The following MUC5AC variants were observed in gnomAD, a reference collection of about 807,000 sequenced individuals.
MUC5AC encodes the protein mucin-5AC.
A neutral mutation model predicts 169.7 loss-of-function variants in MUC5AC; 158 were observed. The ratio of observed to expected loss-of-function variants is 0.93; its 90% confidence interval spans 0.82 to 1.06. MUC5AC has a LOEUF of 1.06. Ranked by LOEUF, MUC5AC falls within the 50% of genes least tolerant of loss-of-function variation. The pLI is 0.00. For synonymous variants in MUC5AC, 1,975 were observed against 1,237.0 expected (o/e 1.60, Z -12.52); for missense variants, 4,359 against 3,089.9 (o/e 1.41, Z -9.74).
chr11:1,182,189 A>C lies in MUC5AC; in HGVS notation c.4044A>C (p.Pro1348=). The part of the protein sequence containing the change: ...VSSTHTPSNG[P]SSAHTGPPSS... The stretch of plus-strand genomic sequence containing the variant: ...CCACGCACACCCCCAGCAATGGCCC[A>C]AGCAGCGCGCACACAGGCCCTCCGA... Residue 1348 remains proline, a synonymous_variant, in exon 31 of 49, where the codon CCA becomes CCC. Coordinates refer to ENST00000621226, the MANE Select transcript of MUC5AC (RefSeq NM_001304359.2). The C allele has an allele frequency of 2.5e-6, 1 of 398,652 alleles. No homozygotes were observed. Among genetic ancestry groups the C allele is most frequent in the Non-Finnish European group, 4.4e-6 (1 of 226,134 alleles). The allele number at this position is 398,652 out of a possible 1,614,324, so 24.7% of individuals were successfully genotyped here. A position where few individuals can be genotyped will look rare whatever the true frequency, so the allele number is the denominator to read the frequency against.
Position 1,187,173 on chromosome 11 carries a change from A to G in MUC5AC, c.9028A>G (p.Thr3010Ala), listed in dbSNP as rs1212559941. The G allele has an allele frequency of 4.8e-5, 34 of 705,430 alleles. No individual in the cohort carries two copies. In the African/African-American group the frequency reaches 5.7e-4, roughly 12 times the overall value. 43.7% of individuals were successfully genotyped at this position (705,430 alleles called of 1,614,324 possible). A position where few individuals can be genotyped will look rare whatever the true frequency, so the allele number is the denominator to read the frequency against. Residue 3010 changes from threonine to alanine, a missense_variant, in exon 31 of 49, where the codon ACC becomes GCC. Thr to Ala is a moderately conservative substitution (Grantham distance 58). Coordinates refer to ENST00000621226, the MANE Select transcript of MUC5AC (RefSeq NM_001304359.2). ...AACCAGCACAATCTCGGCCCCAACAACCAGCACACCCTCTGCCCCTACAAC... is the reference window on the plus strand; with the variant it reads ...AACCAGCACAATCTCGGCCCCAACAGCCAGCACACCCTCTGCCCCTACAAC... The part of the protein sequence containing the change: ...PTTSTISAPT[T>A]STPSAPTTST...
chr11:1,165,532 TG>T, intron 10 of MUC5AC, 89 bp from the exon 11 acceptor site: 1 of 1,589,324 alleles, frequency 6.3e-7, no homozygotes. Context: ...TAGGCAGGCC[TG>T]GGGTGAGACC....
chr11:1,161,619 G>C, intron 3 of MUC5AC, 33 bp downstream of exon 3: 1 of 1,592,746 alleles, frequency 6.3e-7, no homozygotes, highest in Non-Finnish European at 8.6e-7. Context: ...GGTGGGGAAG[G>C]GTCATAGCTT....
chr11:1,164,571 C>A, intron 9 of MUC5AC, 39 bp downstream of exon 9: 1 of 1,576,306 alleles, frequency 6.3e-7, no homozygotes. Context: ...AGGTGCACCC[C>A]GACAACTAGG....
In MUC5AC at chr11:1,197,611, C is replaced by T. The variant is rs577319910; in HGVS notation, c.16005C>T (p.Ala5335=). 29 of 725,870 alleles carry T rather than the reference C, an allele frequency of 4.0e-5. No individual in the cohort carries two copies. Among genetic ancestry groups the T allele is most frequent in the African/African-American group, 2.2e-4 (13 of 58,198 alleles). The allele number at this position is 725,870 out of a possible 1,614,324, so 45.0% of individuals were successfully genotyped here. Residue 5335 remains alanine, a synonymous_variant, in exon 41 of 49, where the codon GCC becomes GCT. Transcript: ENST00000621226. Reference sequence around the variant, plus strand: ...TGCCTGTGCCTGCAGCCCCACAGGCCGGCCAGTGCTGCCCCCAGTACAGCT... The same window carrying T: ...TGCCTGTGCCTGCAGCCCCACAGGCTGGCCAGTGCTGCCCCCAGTACAGCT... The part of the protein sequence containing the change: ...GFVPVPAAPQ[A]GQCCPQYSCA...
At chr11:1,162,736 C>T in intron 5 of MUC5AC, 90 bp downstream of exon 5, 1 of 1,289,578 alleles carries the variant, frequency 7.8e-7, no homozygotes, top group Non-Finnish European at 1.1e-6. Flanking sequence ...GTAGAAGGTG[C>T]CCTGGGCCCA....
In MUC5AC at chr11:1,191,006, C is replaced by A. The variant is rs1460641780; in HGVS notation, c.12861C>A (p.Ser4287Arg). The change falls in exon 31 of 49, where the codon AGC (serine) becomes AGA (arginine). Residue 4287 changes from serine (S) to arginine (R), a missense_variant. Physicochemically the swap from Ser to Arg is moderately radical, Grantham distance 110. Coordinates refer to ENST00000621226, the MANE Select transcript of MUC5AC (RefSeq NM_001304359.2). ...CCAGAACAACATCTGCTCCTACAAG[C>A]AGCATGACCTCTGGTCCTGGAACTA... Reference protein sequence around the residue: ...PTTRTTSAPTSSMTSGPGTTP... With the variant: ...PTTRTTSAPTRSMTSGPGTTP... 2 of 751,820 alleles carry A rather than the reference C, an allele frequency of 2.7e-6. No individual in the cohort carries two copies. The highest frequency in any genetic ancestry group is 3.6e-5 in the African/African-American group (2 of 56,308). The allele number at this position is 751,820 out of a possible 1,614,324, so 46.6% of individuals were successfully genotyped here. A position where few individuals can be genotyped will look rare whatever the true frequency, so the allele number is the denominator to read the frequency against.
chr11:1,164,013 G>C, intron 7 of MUC5AC, 22 bp downstream of exon 7: 1 of 1,608,866 alleles, frequency 6.2e-7, no homozygotes, highest in Non-Finnish European at 8.5e-7. Flanking sequence ...AGGGAACAGA[G>C]GGCCCAGCAG....
At position 1,197,585 on chromosome 11, in the gene MUC5AC, G is replaced by C. The variant is rs748033250; in HGVS notation, c.15979G>C (p.Val5327Leu). The C allele has an allele frequency of 2.8e-6, 2 of 723,668 alleles. No individual in the cohort carries two copies. Among genetic ancestry groups the C allele is most frequent in the Admixed American group, 1.9e-5 (1 of 53,804 alleles). 44.8% of individuals were successfully genotyped at this position (723,668 alleles called of 1,614,324 possible). A position where few individuals can be genotyped will look rare whatever the true frequency, so the allele number is the denominator to read the frequency against. ...CCCTGCCTGCCCCCTGCCCGGCTTC[G>C]TGCCTGTGCCTGCAGCCCCACAGGC... Reference protein sequence around the residue: ...LPPACPLPGFVPVPAAPQAGQ... With the variant: ...LPPACPLPGFLPVPAAPQAGQ... Residue 5327 changes from valine to leucine, a missense_variant, in exon 41 of 49, where the codon GTG (valine) becomes CTG (leucine). Val to Leu is a conservative substitution (Grantham distance 32, BLOSUM62 1). Transcript: ENST00000621226.
chr11:1,163,180 C>CGTGTGTGCTGTGCT, intron 6 of MUC5AC, 135 bp downstream of exon 6: 1 of 851,030 alleles, frequency 1.2e-6, no homozygotes, highest in Non-Finnish European at 1.9e-6. Flanking sequence ...CCTCCTAGCA[C>CGTGTGTGCTGTGCT]AGCACACACG....
chr11:1,164,440 AGT>A lies in MUC5AC; in HGVS notation c.1039_1040del (p.Cys347ProfsTer18), dbSNP rs1860242216. The A allele has an allele frequency of 1.2e-6, 2 of 1,612,176 alleles. No homozygotes were observed. Among genetic ancestry groups the A allele is most frequent in the South Asian group, 2.2e-5 (2 of 90,998 alleles). ...TGCCCCAACAACATGCAGTACCACGAGTGCCGCTCCCCCTGCGCAGACACCTG... is the reference window on the plus strand; with the variant it reads ...TGCCCCAACAACATGCAGTACCACGAGCCGCTCCCCCTGCGCAGACACCTG... On this transcript the variant is annotated frameshift_variant, in exon 9 of 49. Transcript: ENST00000621226. LOFTEE classifies it high-confidence loss of function.
In MUC5AC at chr11:1,188,343, T is replaced by A; in HGVS notation, c.10198T>A (p.Ser3400Thr). ...TTCTGCCCCTACAACCAGCACAACCTCCACTCCACAGACCAGCATATCCTC... is the reference window on the plus strand; with the variant it reads ...TTCTGCCCCTACAACCAGCACAACCACCACTCCACAGACCAGCATATCCTC... Reference protein sequence around the residue: ...TTSAPTTSTTSTPQTSISSAP... With the variant: ...TTSAPTTSTTTTPQTSISSAP... Residue 3400 changes from serine (S) to threonine (T), a missense_variant, in exon 31 of 49, where the codon TCC becomes ACC. By Grantham distance (58) the Ser-to-Thr change is moderately conservative (BLOSUM62 1). Coordinates refer to ENST00000621226, the MANE Select transcript of MUC5AC (RefSeq NM_001304359.2). 1 of 651,444 alleles carries A rather than the reference T, an allele frequency of 1.5e-6. No individual in the cohort carries two copies. The highest frequency in any genetic ancestry group is 2.8e-6 in the Non-Finnish European group (1 of 351,376). 40.4% of individuals were successfully genotyped at this position (651,444 alleles called of 1,614,324 possible).
chr11:1,182,225 G>A lies in MUC5AC; in HGVS notation c.4080G>A (p.Trp1360Ter). Residue 1360 changes from tryptophan to a stop codon, truncating the protein, a stop_gained, in exon 31 of 49, where the codon TGG becomes TGA. Coordinates refer to ENST00000621226, the MANE Select transcript of MUC5AC (RefSeq NM_001304359.2). LOFTEE classifies it high-confidence loss of function. ...ACACAGGCCCTCCGAGCAGCGCCTG[G>A]CCCACCACAGCAGGCACTTCTCCCA... is the stretch of plus-strand genomic sequence containing the variant. ...SAHTGPPSSA[W>*]PTTAGTSPRT... The A allele has an allele frequency of 5.0e-6, 2 of 398,662 alleles. No homozygotes were observed. The highest frequency in any genetic ancestry group is 8.8e-6 in the Non-Finnish European group (2 of 226,108). 24.7% of individuals were successfully genotyped at this position (398,662 alleles called of 1,614,324 possible).
chr11:1,179,475 C>T (rs1000538694), intron 26 of MUC5AC, among the ~76,000 whole-genome samples: 7 of 150,376 alleles, frequency 4.7e-5, no homozygotes, highest in Admixed American at 1.3e-4. Context: ...GAGAGGAGGG[C>T]GTGGCTGACA....
At chr11:1,159,409 T>G (rs1227898419) in intron 1 of MUC5AC, among the ~76,000 whole-genome samples, 1 of 122,162 alleles carries the variant, frequency 8.2e-6, no homozygotes, top group African/African-American at 3.2e-5. Flanking sequence ...ACGATGATGG[T>G]GCTGGGCGGG....
At chr11:1,170,410 T>TACTC (rs1860470762) in intron 15 of MUC5AC, among the ~76,000 whole-genome samples, 5 of 44,652 alleles carry the variant, frequency 1.1e-4, no homozygotes, top group Admixed American at 2.4e-4. Flanking sequence ...CCCACTCACC[T>TACTC]ACTCACCCAC....
rs1382768673 is a variant in MUC5AC, at chr11:1,188,613, A to C, written c.10468A>C (p.Thr3490Pro). ...TTCTGGAACTACTCCCAGCCCTGTTACCACCACCAGCACAGCCTCTGTTTC... is the reference window on the plus strand; with the variant it reads ...TTCTGGAACTACTCCCAGCCCTGTTCCCACCACCAGCACAGCCTCTGTTTC... ...SGSGTTPSPV[T>P]TTSTASVSKT... Residue 3490 changes from threonine to proline, a missense_variant, in exon 31 of 49, where the codon ACC (threonine) becomes CCC (proline). Physicochemically the swap from Thr to Pro is conservative, Grantham distance 38. Coordinates refer to ENST00000621226, the MANE Select transcript of MUC5AC (RefSeq NM_001304359.2). 6.7e-5 allele frequency: 51 copies of C among 764,622 alleles called. No individual in the cohort carries two copies. Among genetic ancestry groups the C allele is most frequent in the Admixed American group, 2.5e-4 (15 of 59,002 alleles). The allele number at this position is 764,622 out of a possible 1,614,324, so 47.4% of individuals were successfully genotyped here.
chr11:1,194,836 C>T (rs955846841), intron 35 of MUC5AC, among the ~76,000 whole-genome samples, 166 bp downstream of exon 35: 1 of 152,106 alleles, frequency 6.6e-6, no homozygotes, highest in Non-Finnish European at 1.5e-5. Flanking sequence ...ACCTGCAGCT[C>T]CCCAGTACCA....
At chr11:1,173,445 CCACT>C (rs1266139459) in intron 16 of MUC5AC, among the ~76,000 whole-genome samples, 4 of 150,644 alleles carry the variant, frequency 2.7e-5, no homozygotes, top group Non-Finnish European at 5.9e-5. Context: ...ATCCACTCAT[CCACT>C]CACTCACTCA....
Sources: gnomAD v4.1 joint callset for allele counts (sites outside exome capture counted in the v4.1 genomes callset) on GRCh38, gnomAD v4.1.1 for gene constraint, MANE v1.5 for transcripts, NCBI Gene and HGNC (gene_info 2026-07-23, HGNC 2026-07-21) for gene names.